The following MEMO1 variants were observed in gnomAD, a reference collection of about 807,000 sequenced individuals.
The protein encoded by MEMO1 is protein MEMO1.
MEMO1 carries 6 observed loss-of-function variants against 45.2 expected under a neutral mutation model. That is an observed-to-expected ratio of 0.13 (90% confidence interval 0.07 to 0.26). The LOEUF (loss-of-function observed/expected upper bound fraction) is 0.26, where lower values mean the gene tolerates loss of function less well. Ranked by LOEUF, MEMO1 falls within the 10% of genes least tolerant of loss-of-function variation. MEMO1 has a pLI of 1.00. For missense variants in MEMO1, 184 were observed against 370.5 expected (o/e 0.50, Z 4.13); for synonymous variants, 78 against 124.3 (o/e 0.63, Z 2.48).
intron 2 of MEMO1, among the ~76,000 whole-genome samples, chr2:32,002,236 T>C (rs1673465146): frequency 6.9e-6 from 1 of 145,078 alleles, no homozygotes; most frequent in South Asian, 2.1e-4. Flanking sequence ...TGTGTATATA[T>C]ACATATACAT....
chr2:31,923,910 C>A (rs1183152913), intron 4 of MEMO1, among the ~76,000 whole-genome samples: 1 of 152,128 alleles, frequency 6.6e-6, no homozygotes, highest in Non-Finnish European at 1.5e-5. Context: ...TGATACCTGA[C>A]TACTTTCCTT....
At chr2:31,908,299 G>A (rs1269739882) in intron 6 of MEMO1, among the ~76,000 whole-genome samples, 4 of 152,110 alleles carry the variant, frequency 2.6e-5, no homozygotes, top group African/African-American at 9.7e-5. Flanking sequence ...ATGAAAACAG[G>A]TAGTGATATA....
intron 4 of MEMO1, among the ~76,000 whole-genome samples, chr2:31,925,415 G>A (rs986039489): frequency 7.0e-6 from 1 of 143,736 alleles, no homozygotes; most frequent in Non-Finnish European, 1.5e-5. Flanking sequence ...GGCAGAGGTT[G>A]CAGTGAGCTG....
At position 31,920,852 on chromosome 2, in the gene MEMO1, A is replaced by T; in HGVS notation, c.271T>A (p.Ser91Thr). The change falls in exon 5 of 10, where the codon TCC becomes ACC. Residue 91 changes from serine to threonine, a missense_variant. By Grantham distance (58) the Ser-to-Thr change is moderately conservative (BLOSUM62 1). This residue lies in a region of MEMO1 where 60 missense variants were observed against 79.2 expected (regional missense o/e 0.76). Transcript: ENST00000404530. ...GGTGTCCTATATATATCCACACTGG[A>T]AAGTGCACATCGAGAGAGGGGCACA... is the stretch of plus-strand genomic sequence containing the variant. ...HHVPLSRCAL[S>T]SVDIYRTPLY... is the part of the protein sequence containing the mutation. The T allele has an allele frequency of 6.2e-7, 1 of 1,612,432 alleles. No homozygotes were observed. Among genetic ancestry groups the T allele is most frequent in the Non-Finnish European group, 8.5e-7 (1 of 1,179,356 alleles).
At chr2:31,992,196 C>G (rs1672025879) in intron 2 of MEMO1, among the ~76,000 whole-genome samples, 1 of 152,202 alleles carries the variant, frequency 6.6e-6, no homozygotes, top group South Asian at 2.1e-4. Context: ...TAGGTCAGGG[C>G]TGAGGAAACA....
chr2:31,951,517 GTT>G (rs201608134), intron 2 of MEMO1, among the ~76,000 whole-genome samples: 2 of 139,162 alleles, frequency 1.4e-5, no homozygotes, highest in African/African-American at 2.6e-5. Flanking sequence ...TCACTTAATG[GTT>G]TTTTTTTTTT....
At chr2:31,925,492 A>AAAAAAAAAAAAAAAAAAAAAAAAAAAG (rs1558507956) in intron 4 of MEMO1, among the ~76,000 whole-genome samples, 1 of 133,846 alleles carries the variant, frequency 7.5e-6, no homozygotes, top group African/African-American at 2.6e-5. Flanking sequence ...AAAAAAAAAA[A>AAAAAAAAAAAAAAAAAAAAAAAAAAAG]AAAAAAATCT....
chr2:31,960,442 G>C (rs1667884268), intron 2 of MEMO1, among the ~76,000 whole-genome samples: 1 of 151,902 alleles, frequency 6.6e-6, no homozygotes, highest in African/African-American at 2.4e-5. Context: ...CAAAACACAA[G>C]CATGAAAATA....
intron 2 of MEMO1, among the ~76,000 whole-genome samples, chr2:32,002,182 T>TACAC (rs1456569960): frequency 5.8e-5 from 7 of 120,288 alleles, no homozygotes; most frequent in East Asian, 2.3e-4. Flanking sequence ...TATATATATA[T>TACAC]ATATACACAC....
At chr2:31,938,130 C>T (rs1048942374) in intron 3 of MEMO1, among the ~76,000 whole-genome samples, 1 of 152,156 alleles carries the variant, frequency 6.6e-6, no homozygotes, top group African/African-American at 2.4e-5. Context: ...TTATGTCACA[C>T]AGATTAGAAT....
At chr2:31,960,499 T>C (rs1251089105) in intron 2 of MEMO1, among the ~76,000 whole-genome samples, 2 of 152,190 alleles carry the variant, frequency 1.3e-5, no homozygotes, top group Non-Finnish European at 2.9e-5. Flanking sequence ...AAGAACTATT[T>C]GTAACTAATA....
At chr2:31,956,933 G>A (rs1667475527) in intron 2 of MEMO1, among the ~76,000 whole-genome samples, 1 of 152,088 alleles carries the variant, frequency 6.6e-6, no homozygotes, top group African/African-American at 2.4e-5. Context: ...CACAAGGTCA[G>A]GAGATGGAGA....
rs1379258333 is a variant in MEMO1, at chr2:31,946,878, AC to A, written c.62-3496del. Among the ~76,000 whole-genome samples, 6 of 152,230 alleles carry A rather than the reference AC, an allele frequency of 3.9e-5. No homozygotes were observed. In the East Asian group the frequency reaches 1.2e-3, roughly 29 times the overall value. Reference sequence around the variant, plus strand: ...AACTGCAATACTGTATTTTTACTCTACCTTTTCCCTTTTCTATGTTTACATA... The same window carrying A: ...AACTGCAATACTGTATTTTTACTCTACTTTTCCCTTTTCTATGTTTACATA... On this transcript the variant is annotated intron_variant, in intron 2 of 9. Coordinates refer to ENST00000404530, the MANE Select transcript of MEMO1 (RefSeq NM_001301833.4).
chr2:31,992,554 T>C (rs916602013), intron 2 of MEMO1, among the ~76,000 whole-genome samples: 9 of 152,180 alleles, frequency 5.9e-5, no homozygotes, highest in Admixed American at 5.2e-4. Flanking sequence ...GAGGCCGAGG[T>C]GGGTGGATCA....
At chr2:31,963,173 G>A (rs757564199) in intron 2 of MEMO1, 49 of 1,539,714 alleles carry the variant, frequency 3.2e-5, no homozygotes, top group South Asian at 8.5e-5. Context: ...AAACCGCACC[G>A]TCAGCTCTCC....
At chr2:31,989,139 G>A (rs141521205) in intron 2 of MEMO1, among the ~76,000 whole-genome samples, 1 of 151,850 alleles carries the variant, frequency 6.6e-6, no homozygotes, top group African/African-American at 2.4e-5. Flanking sequence ...CCAGGAGGCA[G>A]AGGTTGCGGT....
chr2:31,941,940 T>C (rs1033861759), intron 3 of MEMO1, among the ~76,000 whole-genome samples: 2 of 152,234 alleles, frequency 1.3e-5, no homozygotes, highest in Non-Finnish European at 2.9e-5. Context: ...ACGGTTATTA[T>C]ATATTGTCAT....
intron 7 of MEMO1, among the ~76,000 whole-genome samples, chr2:31,883,736 A>G (rs1675750238): frequency 6.6e-6 from 1 of 152,148 alleles, no homozygotes; most frequent in Non-Finnish European, 1.5e-5. Flanking sequence ...AGGAAACAAA[A>G]TAGCTTAAAA....
At chr2:31,946,726 G>C (rs1204374756) in intron 2 of MEMO1, among the ~76,000 whole-genome samples, 1 of 152,084 alleles carries the variant, frequency 6.6e-6, no homozygotes, top group Non-Finnish European at 1.5e-5. Flanking sequence ...AACCAGGCAT[G>C]GTGGGCCACG....
Sources: allele counts gnomAD v4.1 joint callset (sites outside exome capture counted in the v4.1 genomes callset), GRCh38; gene constraint gnomAD v4.1.1; regional missense constraint gnomAD v4.1.1; transcripts MANE v1.5; gene names NCBI Gene and HGNC (gene_info 2026-07-23, HGNC 2026-07-21).